The following SLMAP variants were observed in gnomAD, a reference collection of about 807,000 sequenced individuals.
The protein encoded by SLMAP is sarcolemmal membrane-associated protein.
Under a neutral mutation model 128.8 loss-of-function variants are expected in SLMAP, and 44 were observed. The ratio of observed to expected loss-of-function variants is 0.34; its 90% CI spans 0.27 to 0.44. SLMAP has a LOEUF of 0.44. Ranked by LOEUF, SLMAP falls within the 20% of genes least tolerant of loss-of-function variation. The pLI is 1.00. For missense variants in SLMAP, 787 were observed against 985.3 expected (o/e 0.80, Z 2.69); for synonymous variants, 327 against 348.8 (o/e 0.94, Z 0.70).
chr3:57,782,857 G>A (rs1041228092), intron 2 of SLMAP, among the ~76,000 whole-genome samples: 3 of 152,110 alleles, frequency 2.0e-5, no homozygotes, highest in Non-Finnish European at 4.4e-5. Context: ...GCCCCCTCTT[G>A]CTGTCTCCCT....
At chr3:57,880,192 T>TTGTTC (rs1368569744) in intron 14 of SLMAP, among the ~76,000 whole-genome samples, 1 of 151,572 alleles carries the variant, frequency 6.6e-6, no homozygotes, top group African/African-American at 2.4e-5. Flanking sequence ...TTGTTTTGTT[T>TTGTTC]TGTTTTGTTT....
At chr3:57,831,615 T>C in intron 3 of SLMAP, 85 bp downstream of exon 3, 2 of 971,384 alleles carry the variant, frequency 2.1e-6, no homozygotes, top group Non-Finnish European at 1.4e-6. Context: ...TATGAAACAT[T>C]ACATGCTTGT....
At position 57,908,065 on chromosome 3, in the gene SLMAP, G is replaced by C. The variant is rs2096610455; in HGVS notation, c.1624+59G>C. The C allele has an allele frequency of 2.3e-5, 36 of 1,548,716 alleles. 1 individual carries two copies. In the South Asian group the frequency reaches 3.9e-4, roughly 17 times the overall value. ...GTGTGGAGGCAGCACAATATAATTG[G>C]GTGGCCCCAAACTTGGAGTCCGGAG... On this transcript the variant is annotated intron_variant, in intron 18 of 24. Coordinates refer to ENST00000671191, the MANE Select transcript of SLMAP (RefSeq NM_001377540.1).
intron 21 of SLMAP, among the ~76,000 whole-genome samples, chr3:57,916,494 T>G (rs1431505335): frequency 1.3e-5 from 2 of 152,202 alleles, no homozygotes; most frequent in Middle Eastern, 6.3e-3. Flanking sequence ...GAATTGACAG[T>G]GACTCCTAAG....
chr3:57,912,755 T>A, intron 20 of SLMAP, 54 bp downstream of exon 20: 2 of 1,354,506 alleles, frequency 1.5e-6, no homozygotes, highest in Non-Finnish European at 2.0e-6. Flanking sequence ...GATAACTTCT[T>A]AACTTGTTTA....
chr3:57,925,322 C>G (rs1465938414), intron 23 of SLMAP, among the ~76,000 whole-genome samples: 1 of 133,936 alleles, frequency 7.5e-6, no homozygotes, highest in Non-Finnish European at 1.6e-5. Flanking sequence ...TTGCCTTCAG[C>G]TGTTTCTTTC....
intron 2 of SLMAP, among the ~76,000 whole-genome samples, chr3:57,788,962 T>C (rs980009787): frequency 8.5e-5 from 13 of 152,198 alleles, no homozygotes; most frequent in African/African-American, 3.1e-4. Context: ...GTTTGTATAC[T>C]TCAGTGATGA....
intron 2 of SLMAP, among the ~76,000 whole-genome samples, chr3:57,809,525 C>T (rs1413945514): frequency 2.0e-5 from 3 of 152,192 alleles, no homozygotes; most frequent in African/African-American, 7.2e-5. Flanking sequence ...CCCTTGGCAC[C>T]TACAGCCTGG....
At position 57,907,909 on chromosome 3, in the gene SLMAP, A is replaced by G. The variant is rs148943229; in HGVS notation, c.1527A>G (p.Glu509=). The G allele has an allele frequency of 8.1e-6, 13 of 1,613,860 alleles. No individual in the cohort carries two copies. The highest frequency in any genetic ancestry group is 9.3e-6 in the Non-Finnish European group (11 of 1,179,892). The change falls in exon 18 of 25, where the codon GAA becomes GAG. Residue 509 remains glutamate, a synonymous_variant. Transcript: ENST00000671191. The stretch of plus-strand genomic sequence containing the variant: ...ATGACTTGCAGGGTGCACAGTCAGA[A>G]ATTGAGGCAAAGCAAGAAATACAGC... ...LKDDLQGAQS[E]IEAKQEIQHL... is the part of the protein sequence containing the mutation.
At chr3:57,835,090 C>G (rs1270304042) in intron 3 of SLMAP, among the ~76,000 whole-genome samples, 2 of 141,858 alleles carry the variant, frequency 1.4e-5, no homozygotes, top group Non-Finnish European at 1.5e-5. Flanking sequence ...CCACTGCACT[C>G]CAGCCTGAGC....
At chr3:57,821,638 C>T (rs901858391) in intron 2 of SLMAP, among the ~76,000 whole-genome samples, 2 of 152,116 alleles carry the variant, frequency 1.3e-5, no homozygotes, top group African/African-American at 2.4e-5. Flanking sequence ...CAAAAGTGAA[C>T]AAATCATGGG....
At chr3:57,781,726 C>A (rs2083109262) in intron 2 of SLMAP, among the ~76,000 whole-genome samples, 2 of 124,962 alleles carry the variant, frequency 1.6e-5, no homozygotes. Flanking sequence ...TAAATATTGA[C>A]TGATTTTTTT....
Position 57,907,881 on chromosome 3 carries a change from C to T in SLMAP, c.1502-3C>T. Reference sequence around the variant, plus strand: ...GCTTTTAAAATAAACATGTTTTTGTCAGATGACTTGCAGGGTGCACAGTCA... The same window carrying T: ...GCTTTTAAAATAAACATGTTTTTGTTAGATGACTTGCAGGGTGCACAGTCA... On this transcript the variant is annotated splice_polypyrimidine_tract_variant and splice_region_variant and intron_variant, in intron 17 of 24. Transcript: ENST00000671191. 2 of 1,611,228 alleles carry T rather than the reference C, an allele frequency of 1.2e-6. No individual in the cohort carries two copies. The highest frequency in any genetic ancestry group is 1.1e-5 in the South Asian group (1 of 90,556).
chr3:57,842,538 C>G (rs150176825), intron 4 of SLMAP, among the ~76,000 whole-genome samples: 1 of 152,144 alleles, frequency 6.6e-6, no homozygotes, highest in African/African-American at 2.4e-5. Context: ...TATATTGCTT[C>G]TTAAAGACCT....
At chr3:57,869,768 A>G (rs2095438164) in intron 13 of SLMAP, among the ~76,000 whole-genome samples, 1 of 150,292 alleles carries the variant, frequency 6.7e-6, no homozygotes, top group Non-Finnish European at 1.5e-5. Flanking sequence ...ATAAAATTTC[A>G]TATCACTGTT....
intron 2 of SLMAP, among the ~76,000 whole-genome samples, chr3:57,811,960 G>A (rs1400308905): frequency 6.6e-6 from 1 of 152,126 alleles, no homozygotes; most frequent in African/African-American, 2.4e-5. Flanking sequence ...TGTTCTCTAT[G>A]TATTCTGGAT....
intron 14 of SLMAP, among the ~76,000 whole-genome samples, chr3:57,881,183 G>A (rs2095733587): frequency 6.6e-6 from 1 of 151,558 alleles, no homozygotes; most frequent in South Asian, 2.1e-4. Context: ...GACAGAGCGA[G>A]ACTCCATCTC....
intron 2 of SLMAP, among the ~76,000 whole-genome samples, chr3:57,764,359 A>C (rs2079239529): frequency 6.6e-6 from 1 of 152,020 alleles, no homozygotes; most frequent in East Asian, 1.9e-4. Flanking sequence ...AAAATTAACC[A>C]AGTGTGGTGG....
At chr3:57,829,881 T>C (rs1468300003) in intron 2 of SLMAP, among the ~76,000 whole-genome samples, 1 of 152,194 alleles carries the variant, frequency 6.6e-6, no homozygotes, top group Non-Finnish European at 1.5e-5. Flanking sequence ...AAAGTCTGTG[T>C]CCCCTGTGAA....
Sources: allele counts gnomAD v4.1 joint callset (sites outside exome capture counted in the v4.1 genomes callset), GRCh38; gene constraint gnomAD v4.1.1; transcripts MANE v1.5; gene names NCBI Gene and HGNC (gene_info 2026-07-23, HGNC 2026-07-21).